MCM10: variants seen among roughly 807,000 people sequenced by gnomAD.
MCM10 encodes the protein protein MCM10 homolog.
In MCM10, 91 loss-of-function variants were observed where a neutral mutation model predicts 109.9. The observed-to-expected ratio is 0.83, with a 90% CI of 0.70 to 0.99. The LOEUF (loss-of-function observed/expected upper bound fraction) is 0.99, where lower values mean the gene tolerates loss of function less well. Ranked by LOEUF, MCM10 falls within the 50% of genes least tolerant of loss-of-function variation. MCM10 has a pLI of 0.00. For synonymous variants in MCM10, 380 were observed against 387.2 expected (o/e 0.98, Z 0.22); for missense variants, 1,077 against 1,061.2 (o/e 1.01, Z -0.21).
chr10:13,166,649 A>ACATATAT (rs1554773845), intron 2 of MCM10, among the ~76,000 whole-genome samples: 26 of 41,514 alleles, frequency 6.3e-4, no homozygotes, highest in African/African-American at 1.8e-3. Context: ...AAAAAAAAAA[A>ACATATAT]ATACATACAT....
In MCM10 at chr10:13,172,593, G is replaced by T. The variant is rs750135846; in HGVS notation, c.455-35G>T. 6.2e-7 allele frequency: 1 copy of T among 1,613,044 alleles called. No homozygotes were observed. The highest frequency in any genetic ancestry group is 1.1e-5 in the South Asian group (1 of 90,902). ...GCCCTTTGAACCTCTTTCTGAATGG[G>T]TTTTTACTCACTTATTTTACTTTTG... On this transcript the variant is annotated intron_variant, in intron 4 of 19. Coordinates refer to ENST00000378714, the MANE Select transcript of MCM10 (RefSeq NM_018518.5). The surrounding 1 kb of genome is among the most constrained non-coding windows in gnomAD (Gnocchi z 5.2).
At position 13,209,233 on chromosome 10, in the gene MCM10, A is replaced by C. The variant is rs373955055; in HGVS notation, c.2548A>C (p.Thr850Pro). 11 of 1,613,496 alleles carry C rather than the reference A, an allele frequency of 6.8e-6. No individual in the cohort carries two copies. Among genetic ancestry groups the C allele is most frequent in the Non-Finnish European group, 8.5e-6 (10 of 1,179,404 alleles). Residue 850 changes from threonine to proline, a missense_variant, in exon 20 of 20, where the codon ACT (threonine) becomes CCT (proline). Thr to Pro is a conservative substitution (Grantham distance 38, BLOSUM62 -1). Coordinates refer to ENST00000378714, the MANE Select transcript of MCM10 (RefSeq NM_018518.5). ...WERDGMLKEK[T>P]GPKIGGETLL... ...AATATTTTCATTTTTCTAGGAAAAG[A>C]CTGGTCCAAAGATAGGAGGAGAAAC...
intron 18 of MCM10, among the ~76,000 whole-genome samples, chr10:13,208,421 G>A (rs958620095): frequency 1.3e-4 from 19 of 151,174 alleles, no homozygotes; most frequent in African/African-American, 4.4e-4. Flanking sequence ...GAGTCCCTGG[G>A]CCCTTTGAAT....
At chr10:13,207,737 G>C (rs535636550) in intron 18 of MCM10, among the ~76,000 whole-genome samples, 1 of 152,026 alleles carries the variant, frequency 6.6e-6, no homozygotes, top group African/African-American at 2.4e-5. Flanking sequence ...CTCTTCCTTC[G>C]TCTTCCACCA....
chr10:13,171,292 CT>C (rs1220608243), intron 3 of MCM10, 29 bp downstream of exon 3: 1 of 1,554,182 alleles, frequency 6.4e-7, no homozygotes, highest in Non-Finnish European at 8.7e-7. Flanking sequence ...TTCCTTATTT[CT>C]TTCGGATAAG....
At chr10:13,191,830 C>T (rs566810513) in intron 11 of MCM10, among the ~76,000 whole-genome samples, 1 of 152,300 alleles carries the variant, frequency 6.6e-6, no homozygotes, top group South Asian at 2.1e-4. Context: ...GCAGTATTAT[C>T]TTCCTGGCCA....
intron 6 of MCM10, among the ~76,000 whole-genome samples, chr10:13,179,777 C>T (rs1015417615): frequency 1.1e-4 from 16 of 152,038 alleles, no homozygotes; most frequent in African/African-American, 3.9e-4. Context: ...CTTGCATAAT[C>T]GATGAAATTT....
intron 8 of MCM10, among the ~76,000 whole-genome samples, chr10:13,185,440 C>G (rs1834262401): frequency 6.6e-6 from 1 of 152,174 alleles, no homozygotes; most frequent in Non-Finnish European, 1.5e-5. Context: ...CATCTCCATT[C>G]AAGGCAAGAA....
intron 14 of MCM10, among the ~76,000 whole-genome samples, chr10:13,197,227 CA>C (rs1834433997): frequency 1.3e-5 from 2 of 152,312 alleles, no homozygotes; most frequent in African/African-American, 4.8e-5. Flanking sequence ...GCCCCATTTC[CA>C]TTTTATACTT....
intron 13 of MCM10, among the ~76,000 whole-genome samples, chr10:13,194,209 C>A (rs1169431465): frequency 6.6e-6 from 1 of 152,066 alleles, no homozygotes; most frequent in Non-Finnish European, 1.5e-5. Context: ...ACAAACAGTA[C>A]AAAGATTAGC....
chr10:13,186,749 C>A (rs533655418), intron 9 of MCM10, among the ~76,000 whole-genome samples: 1 of 152,044 alleles, frequency 6.6e-6, no homozygotes, highest in African/African-American at 2.4e-5. Flanking sequence ...CTCAGCACTT[C>A]GGGAGGTCGA....
chr10:13,202,225 T>G (rs1162224594), intron 17 of MCM10, among the ~76,000 whole-genome samples: 1 of 151,974 alleles, frequency 6.6e-6, no homozygotes, highest in Non-Finnish European at 1.5e-5. Context: ...GGTGTGGTGG[T>G]GCACACCTGT....
chr10:13,162,923 C>CA (rs1303112879), intron 1 of MCM10, among the ~76,000 whole-genome samples: 3 of 152,006 alleles, frequency 2.0e-5, no homozygotes, highest in Non-Finnish European at 4.4e-5. Context: ...ACTAAAAATA[C>CA]AAAAAATTAG....
intron 16 of MCM10, among the ~76,000 whole-genome samples, chr10:13,200,720 C>T (rs1174839893): frequency 6.6e-6 from 1 of 152,252 alleles, no homozygotes; most frequent in Non-Finnish European, 1.5e-5. Flanking sequence ...GGAAACTCAC[C>T]AGTGGGGGCC....
intron 2 of MCM10, among the ~76,000 whole-genome samples, chr10:13,166,649 A>AATAC (rs1174931053): frequency 2.4e-5 from 1 of 41,510 alleles, no homozygotes; most frequent in Non-Finnish European, 6.1e-5. Context: ...AAAAAAAAAA[A>AATAC]ATACATACAT....
At chr10:13,181,914 G>A (rs566804005) in intron 7 of MCM10, among the ~76,000 whole-genome samples, 102 of 152,180 alleles carry the variant, frequency 6.7e-4, no homozygotes, top group Non-Finnish European at 1.2e-3. Context: ...ATTCCATGCT[G>A]TAACCCATAA....
intron 19 of MCM10, 22 bp from the exon 20 acceptor site, chr10:13,209,205 T>G: frequency 6.2e-7 from 1 of 1,605,314 alleles, no homozygotes; most frequent in Non-Finnish European, 8.5e-7. Context: ...CATCTCCTAT[T>G]AAAATATTTT....
At chr10:13,179,457 G>T (rs1194196239) in intron 6 of MCM10, among the ~76,000 whole-genome samples, 3 of 152,188 alleles carry the variant, frequency 2.0e-5, no homozygotes, top group East Asian at 1.9e-4. Flanking sequence ...CCAAAGGAAA[G>T]AATTTTCCCA....
In MCM10 at chr10:13,195,103, C is replaced by G. The variant is rs1195553963; in HGVS notation, c.1808C>G (p.Pro603Arg). 6.2e-7 allele frequency: 1 copy of G among 1,614,098 alleles called. No homozygotes were observed. Among genetic ancestry groups the G allele is most frequent in the African/African-American group, 1.3e-5 (1 of 74,948 alleles). The change falls in exon 14 of 20, where the codon CCT becomes CGT. Residue 603 changes from proline to arginine, a missense_variant. Physicochemically the swap from Pro to Arg is moderately radical, Grantham distance 103. Transcript: ENST00000378714. ...PAVPSSSRQP[P>R]AQPPRTGSEF... ...GTGCCATCTTCATCAAGACAGCCCCCTGCTCAGCCTCCACGGACAGGATCC... is the reference window on the plus strand; with the variant it reads ...GTGCCATCTTCATCAAGACAGCCCCGTGCTCAGCCTCCACGGACAGGATCC...
Sources: gnomAD v4.1 joint callset for allele counts (sites outside exome capture counted in the v4.1 genomes callset) on GRCh38, gnomAD v4.1.1 for gene constraint, Gnocchi (gnomAD v3.1) non-coding constraint, MANE v1.5 for transcripts, NCBI Gene and HGNC (gene_info 2026-07-23, HGNC 2026-07-21) for gene names.